EYS: variants seen among roughly 807,000 people sequenced by gnomAD.
The protein encoded by EYS is protein eyes shut homolog.
In EYS, 250 loss-of-function variants were observed where a neutral mutation model predicts 282.1. That is an observed-to-expected ratio of 0.89 (90% CI 0.80 to 0.98). EYS has a LOEUF of 0.98. Ranked by LOEUF, EYS falls within the 50% of genes least tolerant of loss-of-function variation. EYS has a pLI of 0.00. For synonymous variants in EYS, 1,355 were observed against 1,282.9 expected, an observed-to-expected ratio of 1.06 and a Z score of -1.20; for missense variants, 4,016 against 3,709.0, an observed-to-expected ratio of 1.08 and a Z score of -2.15.
At position 63,721,698 on chromosome 6, in the gene EYS, A is replaced by G. The variant is rs1446306770; in HGVS notation, c.8333T>C (p.Ile2778Thr). Residue 2778 changes from isoleucine (I) to threonine (T), a missense_variant, in exon 43 of 43, where the codon ATA becomes ACA. Ile to Thr is a moderately conservative substitution (Grantham distance 89, BLOSUM62 -1). Transcript: ENST00000503581. ...IILETLQKVT[I>T]NGSTWHIIKA... ...TATTATATGCCAAGTACTTCCGTTT[A>G]TAGTTACTTTTTGGAGAGTTTCTAG... is the stretch of plus-strand genomic sequence containing the variant. 1.9e-6 allele frequency: 3 copies of G among 1,551,426 alleles called. No individual in the cohort carries two copies. Among genetic ancestry groups the G allele is most frequent in the East Asian group, 2.4e-5 (1 of 40,906 alleles).
chr6:65,242,533 C>T (rs1767081845), intron 12 of EYS, among the ~76,000 whole-genome samples: 1 of 152,170 alleles, frequency 6.6e-6, no homozygotes, highest in African/African-American at 2.4e-5. Flanking sequence ...AGTTGATAGA[C>T]ATTTGGATTA....
intron 31 of EYS, among the ~76,000 whole-genome samples, chr6:64,224,361 G>A (rs1333793084): frequency 1.4e-4 from 22 of 151,838 alleles, no homozygotes; most frequent in Admixed American, 1.3e-3. Context: ...CTATCATTCT[G>A]AAGTCCAATT....
At chr6:64,310,802 T>C (rs1769664676) in intron 29 of EYS, among the ~76,000 whole-genome samples, 1 of 152,064 alleles carries the variant, frequency 6.6e-6, no homozygotes, top group Non-Finnish European at 1.5e-5. Context: ...GAACTGAGCA[T>C]ATGAGTGAAC....
chr6:64,764,311 T>C (rs181111175), intron 22 of EYS, among the ~76,000 whole-genome samples: 574 of 152,348 alleles, frequency 3.8e-3, no homozygotes, highest in Middle Eastern at 0.037. Flanking sequence ...CCTCAATTCT[T>C]AGCTTCTGTG....
intron 30 of EYS, among the ~76,000 whole-genome samples, chr6:64,250,824 A>C (rs1292867183): frequency 6.6e-6 from 1 of 152,184 alleles, no homozygotes; most frequent in Non-Finnish European, 1.5e-5. Flanking sequence ...GAAAGAACCA[A>C]ATAATGATAT....
chr6:64,274,486 T>TTTTTGTTTTTTG (rs1554224749), intron 30 of EYS, among the ~76,000 whole-genome samples: 8 of 145,952 alleles, frequency 5.5e-5, no homozygotes, highest in African/African-American at 2.1e-4. Flanking sequence ...TGGCCGTTTT[T>TTTTTGTTTTTTG]TTTTTTTTTT....
At chr6:63,741,484 GT>G (rs1198574375) in intron 41 of EYS, among the ~76,000 whole-genome samples, 3 of 152,198 alleles carry the variant, frequency 2.0e-5, no homozygotes, top group Non-Finnish European at 4.4e-5. Context: ...AAAGGAAGAT[GT>G]TTTTAATATG....
At position 65,386,718 on chromosome 6, in the gene EYS, T is replaced by C. The variant is rs185282700; in HGVS notation, c.1185-2218A>G. ...CTGTTGAAATGCTCAGAGAGACTTA[T>C]AGCTAACTAATTTGAGCTACTCTAG... On this transcript the variant is annotated intron_variant, in intron 7 of 42. Coordinates refer to ENST00000503581, the MANE Select transcript of EYS (RefSeq NM_001142800.2). Among the ~76,000 whole-genome samples the C allele has an allele frequency of 1.7e-3, 254 of 152,102 alleles. 1 individual carries two copies. Among genetic ancestry groups the C allele is most frequent in the Middle Eastern group, 0.01 (3 of 294 alleles).
At position 63,723,654 on chromosome 6, in the gene EYS, C is replaced by G. The variant is rs1019195002; in HGVS notation, c.8234-1857G>C. On this transcript the variant is annotated intron_variant, in intron 42 of 42. Coordinates refer to ENST00000503581, the MANE Select transcript of EYS (RefSeq NM_001142800.2). ...TTTTAACTCAGCTAGTATGTTCTTA[C>G]GAAAAATTGACAAAAAGTTTTCTTT... Among the ~76,000 whole-genome samples, 22 of 151,780 alleles carry G rather than the reference C, an allele frequency of 1.4e-4. 1 individual carries two copies. Among genetic ancestry groups the G allele is most frequent in the Admixed American group, 1.3e-3 (20 of 15,240 alleles).
chr6:65,629,432 T>C (rs1427306873), intron 2 of EYS, among the ~76,000 whole-genome samples: 1 of 152,200 alleles, frequency 6.6e-6, no homozygotes, highest in Non-Finnish European at 1.5e-5. Context: ...ATATCGACCA[T>C]TTGCATGTCC....
chr6:64,707,008 C>T (rs570712820), intron 22 of EYS, among the ~76,000 whole-genome samples: 6 of 152,064 alleles, frequency 3.9e-5, no homozygotes, highest in South Asian at 2.1e-4. Flanking sequence ...CTTGCACACA[C>T]GTTTATAGTA....
At chr6:64,141,540 A>G (rs1774338503) in intron 31 of EYS, among the ~76,000 whole-genome samples, 1 of 152,196 alleles carries the variant, frequency 6.6e-6, no homozygotes, top group African/African-American at 2.4e-5. Flanking sequence ...ATGAACAAAA[A>G]TGACTGCTTG....
chr6:65,566,316 A>T (rs1769278774), intron 2 of EYS, among the ~76,000 whole-genome samples: 1 of 152,010 alleles, frequency 6.6e-6, no homozygotes, highest in African/African-American at 2.4e-5. Context: ...CTCCTCCAGT[A>T]TACTGGCAAG....
chr6:65,172,472 G>C (rs1377874763), intron 12 of EYS, among the ~76,000 whole-genome samples: 1 of 151,278 alleles, frequency 6.6e-6, no homozygotes, highest in African/African-American at 2.4e-5. Context: ...CCTGAAGAGG[G>C]AAAGATAAAT....
At chr6:64,915,546 A>G (rs1768133650) in intron 15 of EYS, among the ~76,000 whole-genome samples, 1 of 152,172 alleles carries the variant, frequency 6.6e-6, no homozygotes, top group Non-Finnish European at 1.5e-5. Flanking sequence ...AAAAGTATAT[A>G]TAGTGCCTGG....
intron 18 of EYS, among the ~76,000 whole-genome samples, chr6:64,889,216 T>C (rs1036685363): frequency 1.3e-5 from 2 of 152,028 alleles, no homozygotes; most frequent in African/African-American, 2.4e-5. Flanking sequence ...ACATCCCTTG[T>C]CTTTTGCTCC....
chr6:65,262,963 T>C (rs1199906052), intron 12 of EYS, among the ~76,000 whole-genome samples: 1 of 152,130 alleles, frequency 6.6e-6, no homozygotes, highest in Non-Finnish European at 1.5e-5. Flanking sequence ...CTCGGGTCTG[T>C]TATGAAGTAG....
chr6:63,922,899 A>T lies in EYS; in HGVS notation c.7056-58541T>A, dbSNP rs113964151. 8.6e-3 allele frequency among the ~76,000 whole-genome samples: 1,314 copies of T among 152,308 alleles called. 21 individuals are homozygous for T. The highest frequency in any genetic ancestry group is 0.03 in the South Asian group (146 of 4,830). ...CCAGGATTGGGAGCCAGCTGACCTC[A>T]TTTCTAGTCTTGCCTTGACAAATAC... On this transcript the variant is annotated intron_variant, in intron 35 of 42. Coordinates refer to ENST00000503581, the MANE Select transcript of EYS (RefSeq NM_001142800.2).
chr6:64,488,105 A>C (rs1228052343), intron 26 of EYS, among the ~76,000 whole-genome samples: 1 of 151,036 alleles, frequency 6.6e-6, no homozygotes, highest in African/African-American at 2.4e-5. Context: ...TGAAACTGTT[A>C]AGTTGTTTTG....
Sources: gnomAD v4.1 joint callset for allele counts (sites outside exome capture counted in the v4.1 genomes callset) on GRCh38, gnomAD v4.1.1 for gene constraint, MANE v1.5 for transcripts, NCBI Gene and HGNC (gene_info 2026-07-23, HGNC 2026-07-21) for gene names.